The following IQCM variants were observed in gnomAD, a reference collection of about 807,000 sequenced individuals.
The protein encoded by IQCM is IQ domain-containing protein M.
Under a neutral mutation model 57.6 loss-of-function variants are expected in IQCM, and 45 were observed. The observed-to-expected ratio is 0.78, with a 90% CI of 0.62 to 1.00. The LOEUF is 1.00. IQCM is among the 50% of genes least tolerant of loss of function. The probability of loss-of-function intolerance (pLI) is 0.00; values close to 1 mark genes in which losing one functional copy is unlikely to be tolerated. For missense variants in IQCM, 468 were observed against 511.6 expected, an observed-to-expected ratio of 0.91 and a Z score of 0.82; for synonymous variants, 148 against 158.9, an observed-to-expected ratio of 0.93 and a Z score of 0.51.
At chr4:149,621,106 C>A (rs1023933842) in intron 8 of IQCM, 23 bp downstream of exon 8, 2 of 1,086,162 alleles carry the variant, frequency 1.8e-6, no homozygotes, top group Admixed American at 8.5e-5. Context: ...TTCAAATCTA[C>A]ATCCAGTTTT....
chr4:149,501,768 C>T (rs1193321795), intron 12 of IQCM, among the ~76,000 whole-genome samples: 1 of 152,142 alleles, frequency 6.6e-6, no homozygotes, highest in Non-Finnish European at 1.5e-5. Context: ...GCATGGCCCA[C>T]TTAGACTCTT....
chr4:149,780,450 T>C (rs774798662), intron 2 of IQCM: 1 of 151,964 alleles, frequency 6.6e-6, no homozygotes, highest in Non-Finnish European at 1.5e-5. Context: ...GAGAGTCTCA[T>C]CATCCAAGAC....
intron 13 of IQCM, among the ~76,000 whole-genome samples, chr4:149,423,370 G>A (rs1016119935): frequency 1.3e-5 from 2 of 151,970 alleles, no homozygotes; most frequent in Non-Finnish European, 2.9e-5. Flanking sequence ...TGATCCAATC[G>A]CCTCCCTCCC....
chr4:149,598,626 C>T (rs1753991249), intron 8 of IQCM, among the ~76,000 whole-genome samples: 1 of 149,948 alleles, frequency 6.7e-6, no homozygotes, highest in South Asian at 2.1e-4. Flanking sequence ...AATAATTGCC[C>T]AGAAACATAC....
intron 12 of IQCM, among the ~76,000 whole-genome samples, chr4:149,522,976 C>G: frequency 6.6e-6 from 1 of 152,030 alleles, no homozygotes; most frequent in East Asian, 1.9e-4. Flanking sequence ...ACAAAAATAC[C>G]ACAGACTGAG....
At chr4:149,388,528 A>AATATG (rs1245857488) in intron 13 of IQCM, among the ~76,000 whole-genome samples, 1 of 129,434 alleles carries the variant, frequency 7.7e-6, no homozygotes, top group Non-Finnish European at 1.6e-5. Context: ...TATATTATAT[A>AATATG]TATTATATAT....
chr4:149,534,021 T>C (rs1747026457), intron 12 of IQCM, among the ~76,000 whole-genome samples: 1 of 151,948 alleles, frequency 6.6e-6, no homozygotes, highest in East Asian at 1.9e-4. Flanking sequence ...GAAATTCTAC[T>C]GCTTTATTTG....
At chr4:149,421,001 GCACAAA>G (rs1734083437) in intron 13 of IQCM, among the ~76,000 whole-genome samples, 1 of 40,492 alleles carries the variant, frequency 2.5e-5, no homozygotes, top group Non-Finnish European at 4.7e-5. Flanking sequence ...ATTATGACCA[GCACAAA>G]TGTTCAGTAG....
chr4:149,773,098 T>A (rs1269579547), intron 2 of IQCM, among the ~76,000 whole-genome samples: 1 of 152,164 alleles, frequency 6.6e-6, no homozygotes, highest in Non-Finnish European at 1.5e-5. Flanking sequence ...ACGCCTCTAA[T>A]CCCAGCACTT....
intron 8 of IQCM, among the ~76,000 whole-genome samples, chr4:149,607,159 C>A (rs1004921113): frequency 6.6e-5 from 10 of 151,548 alleles, no homozygotes; most frequent in Admixed American, 2.0e-4. Flanking sequence ...GACCCTAAAT[C>A]AGTAAAAGAA....
intron 2 of IQCM, chr4:149,790,130 C>A (rs955231454): frequency 3.1e-6 from 2 of 648,408 alleles, no homozygotes; most frequent in African/African-American, 1.9e-5. Flanking sequence ...TACTCTATGG[C>A]AGGTTGGAAT....
intron 6 of IQCM, among the ~76,000 whole-genome samples, chr4:149,685,989 A>C (rs958448093): frequency 1.3e-5 from 2 of 151,548 alleles, no homozygotes; most frequent in Non-Finnish European, 3.0e-5. Flanking sequence ...ACTAACCTTT[A>C]ATTATTAGAT....
chr4:149,714,241 T>C (rs1481632938), intron 5 of IQCM, among the ~76,000 whole-genome samples: 1 of 152,160 alleles, frequency 6.6e-6, no homozygotes, highest in Admixed American at 6.5e-5. Context: ...GTCTCCCATT[T>C]TTTGTTTTTT....
intron 10 of IQCM, among the ~76,000 whole-genome samples, chr4:149,562,832 C>T (rs1375375386): frequency 2.0e-5 from 3 of 152,142 alleles, no homozygotes; most frequent in South Asian, 4.1e-4. Flanking sequence ...TGGATTAACT[C>T]TAACAGTATC....
chr4:149,729,202 C>T (rs1481441743), intron 5 of IQCM, among the ~76,000 whole-genome samples: 2 of 152,180 alleles, frequency 1.3e-5, no homozygotes, highest in East Asian at 3.8e-4. Context: ...TTTTCAGTGG[C>T]CTCTTGATCT....
chr4:149,593,422 T>C (rs984057002), intron 8 of IQCM, among the ~76,000 whole-genome samples: 3 of 152,122 alleles, frequency 2.0e-5, no homozygotes, highest in African/African-American at 7.2e-5. Flanking sequence ...TTTGCCTTTC[T>C]CTTTTCCTAA....
chr4:149,549,109 T>C (rs1359579911), intron 11 of IQCM, among the ~76,000 whole-genome samples: 1 of 152,226 alleles, frequency 6.6e-6, no homozygotes, highest in Non-Finnish European at 1.5e-5. Context: ...TCTACTTTCA[T>C]ATTTAAGATA....
chr4:149,465,812 T>C (rs1738800024), intron 12 of IQCM, among the ~76,000 whole-genome samples: 1 of 151,194 alleles, frequency 6.6e-6, no homozygotes, highest in Non-Finnish European at 1.5e-5. Context: ...GCTACTGGAA[T>C]GGAGAAAAAA....
At chr4:149,523,937 A>T (rs1745911255) in intron 12 of IQCM, among the ~76,000 whole-genome samples, 1 of 152,190 alleles carries the variant, frequency 6.6e-6, no homozygotes, top group African/African-American at 2.4e-5. Context: ...TAACTTGTTC[A>T]TACATAATTG....
Sources: gnomAD v4.1 joint callset for allele counts (sites outside exome capture counted in the v4.1 genomes callset) on GRCh38, gnomAD v4.1.1 for gene constraint, MANE v1.5 for transcripts, NCBI Gene and HGNC (gene_info 2026-07-23, HGNC 2026-07-21) for gene names.